The following ERAP1 variants were observed in gnomAD, a reference collection of about 807,000 sequenced individuals.
ERAP1 encodes the protein endoplasmic reticulum aminopeptidase 1, also known as adipocyte-derived leucine aminopeptidase.
A neutral mutation model predicts 103.7 loss-of-function variants in ERAP1; 86 were observed. That is an observed-to-expected ratio of 0.83 (90% confidence interval 0.70 to 0.99). The LOEUF is 0.99. Ranked by LOEUF, ERAP1 falls within the 50% of genes least tolerant of loss-of-function variation. The pLI is 0.00. For missense variants in ERAP1, 1,009 were observed against 1,128.4 expected (o/e 0.89, Z 1.52); for synonymous variants, 398 against 402.4 (o/e 0.99, Z 0.13).
chr5:96,835,074 T>C, the ERAP1 span, among the ~76,000 whole-genome samples: 1 of 152,232 alleles, frequency 6.6e-6, no homozygotes, highest in African/African-American at 2.4e-5. Context: ...TAAGGGGCTG[T>C]TAGGCGTGTA....
the ERAP1 span, among the ~76,000 whole-genome samples, chr5:96,851,212 C>T: frequency 6.6e-6 from 1 of 152,062 alleles, no homozygotes; most frequent in Non-Finnish European, 1.5e-5. Flanking sequence ...GAAGGCATGG[C>T]TTTGATAGTT....
chr5:96,806,345 A>C (rs562858467), intron 1 of ERAP1, among the ~76,000 whole-genome samples: 1 of 152,342 alleles, frequency 6.6e-6, no homozygotes, highest in Non-Finnish European at 1.5e-5. Flanking sequence ...AGCTCTTCCC[A>C]AGAGAAGTAC....
chr5:96,921,678 A>G, the ERAP1 span, among the ~76,000 whole-genome samples: 1 of 152,238 alleles, frequency 6.6e-6, no homozygotes, highest in Non-Finnish European at 1.5e-5. Context: ...AGAGAAGGTC[A>G]GGAAACTGGT....
chr5:96,794,146 G>A (rs1025332957), intron 5 of ERAP1, among the ~76,000 whole-genome samples, 189 bp from the exon 6 acceptor site: 1 of 142,876 alleles, frequency 7.0e-6, no homozygotes, highest in Non-Finnish European at 1.5e-5. Flanking sequence ...TATAAATGTG[G>A]CAAAGTCAGA....
At chr5:96,785,276 A>G (rs187558598) in intron 13 of ERAP1, 13 of 176,122 alleles carry the variant, frequency 7.4e-5, no homozygotes, top group Admixed American at 3.3e-4. Flanking sequence ...TATGAGCTAT[A>G]TTCCATAAAG....
At chr5:96,866,355 A>C in the ERAP1 span, among the ~76,000 whole-genome samples, 8 of 152,214 alleles carry the variant, frequency 5.3e-5, no homozygotes, top group Non-Finnish European at 8.8e-5. Context: ...GCCAACTTTT[A>C]GGCTAATCTC....
chr5:96,808,262 T>TGTGTGTGTGTGTGTGTGTGTG (rs1189381131), upstream of ERAP1: 1 of 700,872 alleles, frequency 1.4e-6, no homozygotes, highest in Non-Finnish European at 1.7e-6. Context: ...GTGTGTGTGT[T>TGTGTGTGTGTGTGTGTGTGTG]GAGATGCTTT....
chr5:96,817,169 C>T, the ERAP1 span, among the ~76,000 whole-genome samples: 1 of 152,170 alleles, frequency 6.6e-6, no homozygotes, highest in African/African-American at 2.4e-5. Context: ...AATCAAGTCT[C>T]CCCATGGGCA....
the ERAP1 span, chr5:96,879,606 C>T: frequency 8.8e-7 from 1 of 1,130,604 alleles, no homozygotes; most frequent in South Asian, 1.4e-5. Context: ...CCCCATGTGA[C>T]ATAACTGGAG....
At chr5:96,763,531 CTT>C (rs1047262911) in intron 19 of ERAP1, among the ~76,000 whole-genome samples, 1 of 152,180 alleles carries the variant, frequency 6.6e-6, no homozygotes, top group East Asian at 1.9e-4. Flanking sequence ...CAATCAAAAA[CTT>C]TTTTGCCTTT....
chr5:96,793,558 G>T, intron 6 of ERAP1, 45 bp from the exon 7 acceptor site: 1 of 1,401,524 alleles, frequency 7.1e-7, no homozygotes, highest in Admixed American at 1.7e-5. Context: ...TCAGAAAGAA[G>T]TATATTTTAG....
the ERAP1 span, chr5:96,895,334 A>G: frequency 6.2e-7 from 1 of 1,611,080 alleles, no homozygotes. Context: ...ATCGCTGTTA[A>G]TGCTACATAT....
chr5:96,917,484 T>C, the ERAP1 span: 13 of 1,612,484 alleles, frequency 8.1e-6, no homozygotes, highest in Non-Finnish European at 5.9e-6. Flanking sequence ...TTTGAATCTC[T>C]TGAGGCTCAA....
At chr5:96,761,053 G>A (rs1055238091) in exon 20 of ERAP1, 12 of 152,168 alleles carry the variant, frequency 7.9e-5, no homozygotes, top group African/African-American at 2.9e-4. Flanking sequence ...TGAAAAAATT[G>A]AGAAATGGAC....
intron 15 of ERAP1, among the ~76,000 whole-genome samples, chr5:96,782,125 C>T (rs1775286904): frequency 6.6e-6 from 1 of 151,824 alleles, no homozygotes; most frequent in African/African-American, 2.4e-5. Flanking sequence ...ATTCTCCTAC[C>T]TCAGCCTCCC....
At chr5:96,932,493 C>T in the ERAP1 span, among the ~76,000 whole-genome samples, 3 of 152,064 alleles carry the variant, frequency 2.0e-5, no homozygotes, top group Non-Finnish European at 2.9e-5. Context: ...ATATTCTTTT[C>T]GTGGATTTTT....
At chr5:96,813,382 C>T in the ERAP1 span, among the ~76,000 whole-genome samples, 2 of 151,998 alleles carry the variant, frequency 1.3e-5, no homozygotes, top group Admixed American at 6.6e-5. Context: ...AGGCCAGGCG[C>T]GGTGGCTCAC....
At chr5:96,829,115 G>A in the ERAP1 span, among the ~76,000 whole-genome samples, 281 of 152,262 alleles carry the variant, frequency 1.8e-3, 2 homozygotes, top group Non-Finnish European at 2.2e-3. Flanking sequence ...CAAAGTGCTG[G>A]GATTATAGGC....
the ERAP1 span, among the ~76,000 whole-genome samples, chr5:96,920,630 T>C: frequency 6.6e-6 from 1 of 152,248 alleles, no homozygotes; most frequent in African/African-American, 2.4e-5. Flanking sequence ...ATTTTTACTC[T>C]GCTACTTTTC....
Sources: gnomAD v4.1 joint callset for allele counts (sites outside exome capture counted in the v4.1 genomes callset) on GRCh38, gnomAD v4.1.1 for gene constraint, MANE v1.5 for transcripts, NCBI Gene and HGNC (gene_info 2026-07-23, HGNC 2026-07-21) for gene names.